The following NRK variants were observed in gnomAD, a reference collection of about 807,000 sequenced individuals.
The protein encoded by NRK is Nik related kinase.
Under a neutral mutation model 125.2 loss-of-function variants are expected in NRK, and 67 were observed. That is an observed-to-expected ratio of 0.54 (90% confidence interval 0.44 to 0.66). The LOEUF (loss-of-function observed/expected upper bound fraction) is 0.66. Among genes scored for constraint, NRK ranks in the 30% least tolerant of loss-of-function variants. NRK has a pLI of 0.00. For missense variants in NRK, 1,224 were observed against 1,192.9 expected (o/e 1.03, Z -0.38); for synonymous variants, 458 against 429.0 (o/e 1.07, Z -0.84).
chrX:105,953,105 G>T lies in NRK; in HGVS notation c.4585G>T (p.Val1529Phe). 1.7e-6 allele frequency: 2 copies of T among 1,196,993 alleles called. No homozygotes were observed. The highest frequency in any genetic ancestry group is 2.3e-6 in the Non-Finnish European group (2 of 886,071). Reference sequence around the variant, plus strand: ...TGAAGTGCGCTCTTTGCAATCCAGGGTTCTGGAAAGTGAGCTGAAGCGCAG... The same window carrying T: ...TGAAGTGCGCTCTTTGCAATCCAGGTTTCTGGAAAGTGAGCTGAAGCGCAG... ...AIEVRSLQSR[V>F]LESELKRRSI... The change falls in exon 28 of 29, where the codon GTT (valine) becomes TTT (phenylalanine). Residue 1529 changes from valine (V) to phenylalanine (F), a missense_variant. Val to Phe is a conservative substitution (Grantham distance 50, BLOSUM62 -1). Coordinates refer to ENST00000243300, the MANE Select transcript of NRK (RefSeq NM_198465.4).
At chrX:105,872,456 A>G (rs1435850484) in intron 2 of NRK, among the ~76,000 whole-genome samples, 1 of 111,657 alleles carries the variant, frequency 9.0e-6, no homozygotes, top group Non-Finnish European at 1.9e-5. Flanking sequence ...TCTTTGGGCA[A>G]TTGTTATTAT....
intron 1 of NRK, among the ~76,000 whole-genome samples, chrX:105,825,202 G>A (rs1355598500): frequency 1.8e-5 from 2 of 112,324 alleles, no homozygotes; most frequent in African/African-American, 6.5e-5. Flanking sequence ...CAAATGAAGA[G>A]GTGAAGAGAC....
Position 105,945,894 on chromosome X carries a change from ACT to A in NRK, c.4085_4086del (p.Ser1362Ter). 2 of 1,207,117 alleles carry A rather than the reference ACT, an allele frequency of 1.7e-6. No individual in the cohort carries two copies. The highest frequency in any genetic ancestry group is 2.2e-6 in the Non-Finnish European group (2 of 892,099). The stretch of plus-strand genomic sequence containing the variant: ...CAAGTATGCATTGATCAATCAGCAG[ACT>A]CTGAAGGAGACTACATGTCCTATCA... On this transcript the variant is annotated frameshift_variant, in exon 25 of 29. Coordinates refer to ENST00000243300, the MANE Select transcript of NRK (RefSeq NM_198465.4). LOFTEE classifies it high-confidence loss of function.
chrX:105,837,233 C>T (rs1388441070), intron 2 of NRK, among the ~76,000 whole-genome samples: 1 of 111,226 alleles, frequency 9.0e-6, no homozygotes, highest in Admixed American at 9.6e-5. Flanking sequence ...TATTTAAGTA[C>T]AGAACATATA....
intron 2 of NRK, among the ~76,000 whole-genome samples, chrX:105,849,408 G>GCC (rs2039442198): frequency 9.0e-6 from 1 of 110,824 alleles, no homozygotes; most frequent in African/African-American, 3.3e-5. Context: ...ATATCATACG[G>GCC]CCCCTGGCCC....
intron 23 of NRK, among the ~76,000 whole-genome samples, chrX:105,940,698 T>TA (rs2040727682): frequency 8.9e-6 from 1 of 111,939 alleles, no homozygotes; most frequent in African/African-American, 3.2e-5. Flanking sequence ...CTCTCAGCTA[T>TA]AAAAAACCGT....
intron 2 of NRK, among the ~76,000 whole-genome samples, chrX:105,848,895 A>T (rs17285570): frequency 0.053 from 5,958 of 111,996 alleles, 165 homozygotes; most frequent in Non-Finnish European, 0.081. Flanking sequence ...CACCATTCTT[A>T]TCTTCATATG....
intron 16 of NRK, 113 bp downstream of exon 16, chrX:105,917,785 G>T: frequency 2.4e-6 from 1 of 421,941 alleles, no homozygotes; most frequent in Non-Finnish European, 4.0e-6. Context: ...AAAAGTGTCA[G>T]GGAGCCCAAG....
At chrX:105,867,726 A>C (rs2039690514) in intron 2 of NRK, among the ~76,000 whole-genome samples, 1 of 111,884 alleles carries the variant, frequency 8.9e-6, no homozygotes, top group Non-Finnish European at 1.9e-5. Flanking sequence ...TTCCATCCAG[A>C]GGCTTATTAT....
intron 2 of NRK, 79 bp from the exon 3 acceptor site, chrX:105,880,120 A>G (rs2039866866): frequency 2.4e-6 from 1 of 411,555 alleles, no homozygotes; most frequent in African/African-American, 2.6e-5. Context: ...ACTAATTTTA[A>G]TATTTTCTAC....
At chrX:105,926,320 G>A (rs1263158703) in intron 19 of NRK, among the ~76,000 whole-genome samples, 1 of 111,620 alleles carries the variant, frequency 9.0e-6, no homozygotes, top group Non-Finnish European at 1.9e-5. Flanking sequence ...TGTGCACAAC[G>A]TGCAGGTTTG....
chrX:105,848,484 A>G (rs1018052918), intron 2 of NRK, among the ~76,000 whole-genome samples: 2 of 112,331 alleles, frequency 1.8e-5, no homozygotes, highest in African/African-American at 6.5e-5. Flanking sequence ...TATTCTTATT[A>G]TAACAGTGAA....
chrX:105,826,178 CAT>C (rs1198385739), intron 1 of NRK, among the ~76,000 whole-genome samples: 2 of 84,144 alleles, frequency 2.4e-5, no homozygotes, highest in Admixed American at 1.5e-4. Context: ...TATATATGAT[CAT>C]ATATATGTGA....
chrX:105,885,418 C>A (rs1441345892), intron 4 of NRK, among the ~76,000 whole-genome samples: 2 of 112,285 alleles, frequency 1.8e-5, no homozygotes, highest in Admixed American at 1.9e-4. Flanking sequence ...GATCATAATA[C>A]CTAAATGCAC....
At chrX:105,933,029 G>A (rs1173921362) in intron 19 of NRK, among the ~76,000 whole-genome samples, 1 of 110,629 alleles carries the variant, frequency 9.0e-6, no homozygotes, top group Non-Finnish European at 1.9e-5. Flanking sequence ...TCTAACCAAG[G>A]ACATGGCATA....
chrX:105,910,627 A>G (rs2040287022), intron 13 of NRK, among the ~76,000 whole-genome samples: 1 of 111,972 alleles, frequency 8.9e-6, no homozygotes, highest in African/African-American at 3.2e-5. Flanking sequence ...TGGAGTGAGG[A>G]GGTGGGGAGG....
intron 2 of NRK, among the ~76,000 whole-genome samples, chrX:105,875,377 C>G (rs1420157397): frequency 9.0e-6 from 1 of 111,273 alleles, no homozygotes; most frequent in Admixed American, 9.6e-5. Context: ...CAGGCTCCAG[C>G]CTTTTCTTTA....
At chrX:105,877,718 G>A (rs772025651) in intron 2 of NRK, among the ~76,000 whole-genome samples, 2 of 110,836 alleles carry the variant, frequency 1.8e-5, no homozygotes, top group South Asian at 7.6e-4. Flanking sequence ...CCGAGACCTG[G>A]AGTTTTATTC....
At chrX:105,856,233 G>A (rs1052138574) in intron 2 of NRK, among the ~76,000 whole-genome samples, 9 of 111,454 alleles carry the variant, frequency 8.1e-5, no homozygotes, top group Non-Finnish European at 1.3e-4. Flanking sequence ...GTCCTTAAAG[G>A]AATTCTAAAT....
Sources: allele counts gnomAD v4.1 joint callset (sites outside exome capture counted in the v4.1 genomes callset), GRCh38; gene constraint gnomAD v4.1.1; transcripts MANE v1.5; gene names NCBI Gene and HGNC (gene_info 2026-07-23, HGNC 2026-07-21).